Variants in MARCHF1 observed in about 807,000 individuals in gnomAD.
The protein encoded by MARCHF1 is E3 ubiquitin-protein ligase MARCHF1.
MARCHF1 carries 40 observed loss-of-function variants against 54.2 expected under a neutral mutation model. The ratio of observed to expected loss-of-function variants is 0.74; its 90% CI spans 0.57 to 0.96. The LOEUF (loss-of-function observed/expected upper bound fraction) is 0.96, where lower values mean the gene tolerates loss of function less well. MARCHF1 is among the 40% of genes least tolerant of loss of function. MARCHF1 has a pLI of 0.00. For missense variants in MARCHF1, 586 were observed against 656.5 expected, an observed-to-expected ratio of 0.89 and a Z score of 1.17; for synonymous variants, 236 against 236.3, an observed-to-expected ratio of 1.00 and a Z score of 0.01.
At chr4:164,267,261 AC>A (rs1733634478) in intron 1 of MARCHF1, among the ~76,000 whole-genome samples, 1 of 152,174 alleles carries the variant, frequency 6.6e-6, no homozygotes, top group Non-Finnish European at 1.5e-5. Context: ...TGGTATTTAT[AC>A]CCTTATATAA....
chr4:163,676,492 A>G lies in MARCHF1; in HGVS notation c.162+24321T>C, dbSNP rs557428437. ...CTGTGCATAGTAGGTCATGCATGTA[A>G]TCCAAGCACTTTGGGAGGCTAAAGC... On this transcript the variant is annotated intron_variant, in intron 5 of 9. Transcript: ENST00000514618. Among the ~76,000 whole-genome samples, 8 of 152,298 alleles carry G rather than the reference A, an allele frequency of 5.3e-5. No individual in the cohort carries two copies. The South Asian group carries it at 1.2e-3, about 24-fold the overall frequency.
intron 9 of MARCHF1, among the ~76,000 whole-genome samples, chr4:163,543,792 A>G (rs1018021338): frequency 3.3e-5 from 5 of 152,202 alleles, no homozygotes; most frequent in Non-Finnish European, 5.9e-5. Context: ...GGGTCTATGT[A>G]TACATGACGT....
intron 5 of MARCHF1, among the ~76,000 whole-genome samples, chr4:163,680,051 T>A (rs2111161415): frequency 6.6e-6 from 1 of 151,930 alleles, no homozygotes; most frequent in East Asian, 1.9e-4. Context: ...CTTTTCACAT[T>A]GCTTTCCTGT....
At chr4:164,344,045 T>G (rs1297631282) in intron 1 of MARCHF1, among the ~76,000 whole-genome samples, 1 of 152,124 alleles carries the variant, frequency 6.6e-6, no homozygotes, top group African/African-American at 2.4e-5. Flanking sequence ...TATGCAGCCA[T>G]AAGAAAGAAC....
chr4:163,793,153 T>C (rs192324977), intron 4 of MARCHF1, among the ~76,000 whole-genome samples: 3 of 152,308 alleles, frequency 2.0e-5, no homozygotes, highest in Admixed American at 1.3e-4. Context: ...TATTCCTAAA[T>C]GAAAAGTAGA....
chr4:164,096,974 A>C (rs1226011816), intron 2 of MARCHF1, among the ~76,000 whole-genome samples: 2 of 152,164 alleles, frequency 1.3e-5, no homozygotes, highest in African/African-American at 2.4e-5. Context: ...GGAGTCTACT[A>C]ACAATTTAGC....
At chr4:163,763,511 G>A (rs1285199227) in intron 4 of MARCHF1, among the ~76,000 whole-genome samples, 2 of 152,060 alleles carry the variant, frequency 1.3e-5, no homozygotes, top group Non-Finnish European at 2.9e-5. Context: ...TTTCTCAGAA[G>A]TATCCAAGCC....
chr4:164,017,703 T>C (rs1178521649), intron 2 of MARCHF1, among the ~76,000 whole-genome samples: 1 of 151,898 alleles, frequency 6.6e-6, no homozygotes, highest in Non-Finnish European at 1.5e-5. Flanking sequence ...TGAGTATCAA[T>C]ATAATTATGT....
At chr4:163,550,537 C>A (rs1292873350) in intron 8 of MARCHF1, among the ~76,000 whole-genome samples, 1 of 150,776 alleles carries the variant, frequency 6.6e-6, no homozygotes, top group African/African-American at 2.4e-5. Context: ...TACCGCCAGA[C>A]CCAGGAGCTC....
At chr4:163,668,368 A>G (rs1743613796) in intron 5 of MARCHF1, among the ~76,000 whole-genome samples, 1 of 152,234 alleles carries the variant, frequency 6.6e-6, no homozygotes, top group Non-Finnish European at 1.5e-5. Context: ...GAATGGTCTT[A>G]TAGGTGAAGT....
intron 1 of MARCHF1, among the ~76,000 whole-genome samples, chr4:164,115,510 G>T (rs1447527112): frequency 3.3e-5 from 5 of 152,040 alleles, no homozygotes; most frequent in Admixed American, 3.3e-4. Flanking sequence ...AGTAAAACTT[G>T]ATAATATTGT....
At chr4:164,279,599 A>C (rs1733973992) in intron 1 of MARCHF1, among the ~76,000 whole-genome samples, 1 of 151,690 alleles carries the variant, frequency 6.6e-6, no homozygotes, top group Non-Finnish European at 1.5e-5. Flanking sequence ...TCCTGATTTG[A>C]TCATTGGACA....
intron 1 of MARCHF1, among the ~76,000 whole-genome samples, chr4:164,213,015 T>C (rs1731820834): frequency 6.6e-6 from 1 of 152,024 alleles, no homozygotes. Flanking sequence ...AGGGCAAAAA[T>C]GTAACTAAAG....
intron 8 of MARCHF1, among the ~76,000 whole-genome samples, chr4:163,572,055 T>G (rs1191322637): frequency 1.3e-5 from 2 of 152,096 alleles, no homozygotes; most frequent in Non-Finnish European, 2.9e-5. Flanking sequence ...TGTTCTAACT[T>G]GACTATTTTC....
chr4:163,592,515 ATT>A (rs577036971), intron 7 of MARCHF1, among the ~76,000 whole-genome samples: 13 of 144,636 alleles, frequency 9.0e-5, no homozygotes, highest in African/African-American at 2.8e-4. Flanking sequence ...AATCAGCCAC[ATT>A]TTTTTTTTTT....
chr4:163,672,168 C>T (rs1284606014), intron 5 of MARCHF1, among the ~76,000 whole-genome samples: 1 of 152,150 alleles, frequency 6.6e-6, no homozygotes, highest in Admixed American at 6.5e-5. Context: ...ATTACTTTAT[C>T]TATAAAATTG....
chr4:164,372,949 C>T (rs1056490775), intron 1 of MARCHF1, among the ~76,000 whole-genome samples: 2 of 151,998 alleles, frequency 1.3e-5, no homozygotes, highest in African/African-American at 4.8e-5. Context: ...AATAAATCTT[C>T]GCATTTCCTT....
At chr4:164,345,395 T>C (rs1304177574) in intron 1 of MARCHF1, among the ~76,000 whole-genome samples, 1 of 151,886 alleles carries the variant, frequency 6.6e-6, no homozygotes, top group Non-Finnish European at 1.5e-5. Flanking sequence ...GGTGAATCCC[T>C]GTCCTATCTC....
intron 1 of MARCHF1, among the ~76,000 whole-genome samples, chr4:164,224,758 C>T (rs977115387): frequency 1.3e-5 from 2 of 151,840 alleles, no homozygotes; most frequent in Non-Finnish European, 2.9e-5. Flanking sequence ...AATTCTTAGT[C>T]ATTTATTTAA....
Sources: allele counts gnomAD v4.1 joint callset (sites outside exome capture counted in the v4.1 genomes callset), GRCh38; gene constraint gnomAD v4.1.1; transcripts MANE v1.5; gene names NCBI Gene and HGNC (gene_info 2026-07-23, HGNC 2026-07-21).